Variants in MCM2 observed in about 807,000 individuals in gnomAD.
MCM2 encodes the protein DNA replication licensing factor MCM2.
In MCM2, 49 loss-of-function variants were observed where a neutral mutation model predicts 86.4. The ratio of observed to expected loss-of-function variants is 0.57; its 90% CI spans 0.45 to 0.72. The LOEUF (loss-of-function observed/expected upper bound fraction) is 0.72. MCM2 is among the 30% of genes least tolerant of loss of function. The pLI, the probability that MCM2 is intolerant of heterozygous loss-of-function variation, is 0.00. For synonymous variants in MCM2, 475 were observed against 484.6 expected, an observed-to-expected ratio of 0.98 and a Z score of 0.26; for missense variants, 1,038 against 1,259.9, an observed-to-expected ratio of 0.82 and a Z score of 2.67.
In MCM2 at chr3:127,609,070, T is replaced by C. The variant is rs368920619; in HGVS notation, c.1428+47T>C. The stretch of plus-strand genomic sequence containing the variant: ...GGGCTGTCAGGATGCTGTGAGAGGA[T>C]ATGGAGGGTTGCTGGGGCTGTGGTA... On this transcript the variant is annotated intron_variant, in intron 8 of 15. Transcript: ENST00000265056. 6.3e-6 allele frequency: 10 copies of C among 1,593,466 alleles called. No individual in the cohort carries two copies. In the African/African-American group the frequency reaches 1.1e-4, roughly 17 times the overall value.
intron 6 of MCM2, among the ~76,000 whole-genome samples, chr3:127,608,005 T>G (rs552134513): frequency 6.6e-6 from 1 of 152,348 alleles, no homozygotes; most frequent in African/African-American, 2.4e-5. Flanking sequence ...GGTTGATGTA[T>G]GTATGACTTG....
chr3:127,598,712 C>T, intron 1 of MCM2: 1 of 546,752 alleles, frequency 1.8e-6, no homozygotes, highest in Admixed American at 3.7e-5. Context: ...CTTTATTCAC[C>T]CCACACATAC....
At position 127,608,874 on chromosome 3, in the gene MCM2, A is replaced by G; in HGVS notation, c.1279A>G (p.Asn427Asp). The G allele has an allele frequency of 6.2e-7, 1 of 1,614,164 alleles. No homozygotes were observed. Among genetic ancestry groups the G allele is most frequent in the Admixed American group, 1.7e-5 (1 of 60,018 alleles). The change falls in exon 8 of 16, where the codon AAC (asparagine) becomes GAC (aspartate). Residue 427 changes from asparagine (N) to aspartate (D), a missense_variant. Coordinates refer to ENST00000265056, the MANE Select transcript of MCM2 (RefSeq NM_004526.4). ...TCACAACAACTATGATGGCTCCCTCAACACTGCCAATGGCTTCCCTGTCTT... is the reference window on the plus strand; with the variant it reads ...TCACAACAACTATGATGGCTCCCTCGACACTGCCAATGGCTTCCCTGTCTT... ...IYHNNYDGSLNTANGFPVFAT... is the reference protein window; with the variant it reads ...IYHNNYDGSLDTANGFPVFAT...
chr3:127,603,257 C>T (rs2074318243), intron 2 of MCM2, among the ~76,000 whole-genome samples: 1 of 152,102 alleles, frequency 6.6e-6, no homozygotes, highest in Admixed American at 6.6e-5. Context: ...CCTCAGCCTC[C>T]CAAAGTGCTG....
At position 127,618,565 on chromosome 3, in the gene MCM2, CT is replaced by C. The variant is rs2074450936; in HGVS notation, c.2014-461del. On this transcript the variant is annotated intron_variant, in intron 12 of 15. Transcript: ENST00000265056. The surrounding 1 kb of genome is among the most constrained non-coding windows in gnomAD (Gnocchi z 4.0). ...CCTCGCTCCCTTCCCTCACCTGCAC[CT>C]GCACCTGCCCTTCTCTCTCAAAAGG... Among the ~76,000 whole-genome samples the C allele has an allele frequency of 6.6e-6, 1 of 152,142 alleles. No homozygotes were observed. Among genetic ancestry groups the C allele is most frequent in the Non-Finnish European group, 1.5e-5 (1 of 68,028 alleles).
chr3:127,603,452 G>A (rs751026632), intron 2 of MCM2, among the ~76,000 whole-genome samples: 13 of 151,580 alleles, frequency 8.6e-5, no homozygotes, highest in African/African-American at 3.2e-4. Context: ...ATGAGCCACC[G>A]CACCCAGCCC....
Position 127,608,873 on chromosome 3 carries a change from C to T in MCM2, c.1278C>T (p.Leu426=), listed in dbSNP as rs147725704. The T allele has an allele frequency of 3.7e-6, 6 of 1,614,076 alleles. No individual in the cohort carries two copies. The highest frequency in any genetic ancestry group is 2.7e-5 in the African/African-American group (2 of 74,916). ...ATCACAACAACTATGATGGCTCCCT[C>T]AACACTGCCAATGGCTTCCCTGTCT... The part of the protein sequence containing the change: ...GIYHNNYDGS[L]NTANGFPVFA... Residue 426 remains leucine, a synonymous_variant, in exon 8 of 16, where the codon CTC becomes CTT. Transcript: ENST00000265056.
chr3:127,608,642 G>A, intron 7 of MCM2, 126 bp downstream of exon 7: 1 of 1,366,878 alleles, frequency 7.3e-7, no homozygotes, highest in Non-Finnish European at 1.0e-6. Context: ...GTTTTTGCAT[G>A]GCTGAGGCAA....
At chr3:127,609,938 G>A (rs1240744595) in intron 8 of MCM2, among the ~76,000 whole-genome samples, 2 of 147,814 alleles carry the variant, frequency 1.4e-5, no homozygotes, top group African/African-American at 5.1e-5. Context: ...TCTGCCTCCT[G>A]GGTTCAAGCG....
intron 2 of MCM2, among the ~76,000 whole-genome samples, chr3:127,604,034 C>T (rs545535117): frequency 6.6e-6 from 1 of 152,316 alleles, no homozygotes; most frequent in South Asian, 2.1e-4. Flanking sequence ...AGTGATCCTC[C>T]TGCCTTCACC....
rs1396715898 is a variant in MCM2 at position 127,621,223 on chromosome 3, GA to G, written c.2600del (p.Asp867ValfsTer22). ...TGAGGTCCCTGAGAAGGACTTGGTG[GA>G]TAAGGTATGGGCCCGGAAGGGAGGT... ...TIEVPEKDLV[D>X]KARQINIHNL... is the part of the protein sequence containing the mutation. On this transcript the variant is annotated frameshift_variant, in exon 15 of 16. Transcript: ENST00000265056. LOFTEE classifies it high-confidence loss of function. The G allele has an allele frequency of 6.2e-7, 1 of 1,614,094 alleles. No individual in the cohort carries two copies. The highest frequency in any genetic ancestry group is 8.5e-7 in the Non-Finnish European group (1 of 1,180,030).
In MCM2 at chr3:127,619,131, G is replaced by A. The variant is rs777616908; in HGVS notation, c.2118G>A (p.Met706Ile). ...ATGGCAGCGCTGCTGAGCCCGCCAT[G>A]CCCAACACGTATGGCGTGGAGCCCC... is the stretch of plus-strand genomic sequence containing the variant. ...LANGSAAEPA[M>I]PNTYGVEPLP... Residue 706 changes from methionine (M) to isoleucine (I), a missense_variant, in exon 13 of 16, where the codon ATG becomes ATA. Met to Ile is a conservative substitution (Grantham distance 10). Transcript: ENST00000265056. The A allele has an allele frequency of 1.9e-6, 3 of 1,614,126 alleles. No individual in the cohort carries two copies. Among genetic ancestry groups the A allele is most frequent in the Admixed American group, 3.3e-5 (2 of 60,026 alleles).
intron 4 of MCM2, 119 bp from the exon 5 acceptor site, chr3:127,605,999 C>T (rs2074344156): frequency 1.4e-6 from 1 of 727,892 alleles, no homozygotes; most frequent in Non-Finnish European, 2.4e-6. Context: ...GAAAGCTGGG[C>T]TTTCTAGGTC....
At position 127,617,472 on chromosome 3, in the gene MCM2, G is replaced by T; in HGVS notation, c.1900+67G>T. 1 of 1,536,784 alleles carries T rather than the reference G, an allele frequency of 6.5e-7. No individual in the cohort carries two copies. Among genetic ancestry groups the T allele is most frequent in the East Asian group, 2.4e-5 (1 of 42,122 alleles). On this transcript the variant is annotated intron_variant, in intron 11 of 15. Coordinates refer to ENST00000265056, the MANE Select transcript of MCM2 (RefSeq NM_004526.4). The surrounding 1 kb of genome is among the most constrained non-coding windows in gnomAD (Gnocchi z 4.1). Reference sequence around the variant, plus strand: ...AGGGAGGTCCCGCCTGCTTGAATTGGGAGCCCACGGGGTCCCCAGGAGCCG... The same window carrying T: ...AGGGAGGTCCCGCCTGCTTGAATTGTGAGCCCACGGGGTCCCCAGGAGCCG...
intron 6 of MCM2, among the ~76,000 whole-genome samples, chr3:127,607,168 TCA>T (rs1301217628): frequency 2.0e-5 from 3 of 152,210 alleles, no homozygotes; most frequent in Non-Finnish European, 4.4e-5. Flanking sequence ...GTGCCATCAC[TCA>T]CGTGGGGTGG....
intron 7 of MCM2, 138 bp downstream of exon 7, chr3:127,608,654 G>C: frequency 7.6e-7 from 1 of 1,318,018 alleles, no homozygotes; most frequent in Non-Finnish European, 1.1e-6. Context: ...CTGAGGCAAA[G>C]AACTTTCTTC....
chr3:127,611,682 C>CTTTTTTTTTTTT (rs59607211), intron 8 of MCM2, among the ~76,000 whole-genome samples: 1 of 54,256 alleles, frequency 1.8e-5, no homozygotes, highest in African/African-American at 8.1e-5. Flanking sequence ...CTGCAGCTGA[C>CTTTTTTTTTTTT]TTTTTTTTTT....
chr3:127,604,361 C>T (rs2074329044), intron 2 of MCM2: 1 of 481,984 alleles, frequency 2.1e-6, no homozygotes, highest in African/African-American at 1.9e-5. Context: ...AAGGTTCATC[C>T]ATGTGCCAGC....
At position 127,608,656 on chromosome 3, in the gene MCM2, A is replaced by G. The variant is rs765387284; in HGVS notation, c.1236+140A>G. ...TGTTTTTGCATGGCTGAGGCAAAGA[A>G]CTTTCTTCTGGTGGATGGGTTGTTG... On this transcript the variant is annotated intron_variant, in intron 7 of 15. Coordinates refer to ENST00000265056, the MANE Select transcript of MCM2 (RefSeq NM_004526.4). The G allele has an allele frequency of 1.5e-5, 19 of 1,303,644 alleles. No individual in the cohort carries two copies. In the Middle Eastern group the frequency reaches 1.5e-3, roughly 105 times the overall value. 80.8% of individuals were successfully genotyped at this position (1,303,644 alleles called of 1,614,324 possible).
Sources: gnomAD v4.1 joint callset for allele counts (sites outside exome capture counted in the v4.1 genomes callset) on GRCh38, gnomAD v4.1.1 for gene constraint, Gnocchi (gnomAD v3.1) non-coding constraint, MANE v1.5 for transcripts, NCBI Gene and HGNC (gene_info 2026-07-23, HGNC 2026-07-21) for gene names.